RNF144B: variants seen among roughly 807,000 people sequenced by gnomAD.
RNF144B encodes ring finger protein 144B.
RNF144B carries 25 observed loss-of-function variants against 40.2 expected under a neutral mutation model. The observed-to-expected ratio is 0.62, with a 90% CI of 0.45 to 0.87. The LOEUF is 0.87. Among genes scored for constraint, RNF144B ranks in the 40% least tolerant of loss-of-function variants. The pLI is 0.00. For synonymous variants in RNF144B, 145 were observed against 136.3 expected (o/e 1.06, Z -0.44); for missense variants, 365 against 373.7 (o/e 0.98, Z 0.19).
intron 2 of RNF144B, among the ~76,000 whole-genome samples, chr6:18,401,352 C>T (rs1013143340): frequency 6.6e-6 from 1 of 152,146 alleles, no homozygotes; most frequent in African/African-American, 2.4e-5. Context: ...GGAGTTAGTA[C>T]AGTTAGCTTT....
At position 18,414,984 on chromosome 6, in the gene RNF144B, C is replaced by T. The variant is rs1446900594; in HGVS notation, c.166-12597C>T. 6.6e-6 allele frequency among the ~76,000 whole-genome samples: 1 copy of T among 152,160 alleles called. No individual in the cohort carries two copies. Among genetic ancestry groups the T allele is most frequent in the Non-Finnish European group, 1.5e-5 (1 of 68,018 alleles). On this transcript the variant is annotated intron_variant, in intron 2 of 7. Transcript: ENST00000259939. This position sits in a 1 kb window ranked among gnomAD's most constrained non-coding sequence, Gnocchi z 4.9. ...CCAAAGATACCCAAATTCATGAATG[C>T]TCAAGTCCCTTATATAGAATGGTGT... is the stretch of plus-strand genomic sequence containing the variant.
rs1214590401 is a variant in RNF144B, at chr6:18,395,573, A to G, written c.-36-3926A>G. The stretch of plus-strand genomic sequence containing the variant: ...CAATGGTGAAAGGATTTCTTGTTTG[A>G]TATTCTTTTTTTTTTTTAAATGAAG... On this transcript the variant is annotated intron_variant, in intron 1 of 7. Coordinates refer to ENST00000259939, the MANE Select transcript of RNF144B (RefSeq NM_182757.4). This position sits in a 1 kb window ranked among gnomAD's most constrained non-coding sequence, Gnocchi z 4.5. 7.4e-6 allele frequency among the ~76,000 whole-genome samples: 1 copy of G among 135,484 alleles called. No individual in the cohort carries two copies. Among genetic ancestry groups the G allele is most frequent in the Admixed American group, 7.9e-5 (1 of 12,636 alleles). The allele number at this position is 135,484 out of a possible 152,430, so 88.9% of individuals were successfully genotyped here. A position where few individuals can be genotyped will look rare whatever the true frequency, so the allele number is the denominator to read the frequency against.
At chr6:18,445,489 A>T (rs915992565) in intron 4 of RNF144B, among the ~76,000 whole-genome samples, 2 of 152,220 alleles carry the variant, frequency 1.3e-5, no homozygotes, top group Non-Finnish European at 2.9e-5. Context: ...CATAATTTAC[A>T]TGAACATGCA....
At position 18,412,225 on chromosome 6, in the gene RNF144B, A is replaced by T. The variant is rs1795062154; in HGVS notation, c.165+12526A>T. 6.6e-6 allele frequency among the ~76,000 whole-genome samples: 1 copy of T among 152,174 alleles called. No homozygotes were observed. The highest frequency in any genetic ancestry group is 2.4e-5 in the African/African-American group (1 of 41,438). On this transcript the variant is annotated intron_variant, in intron 2 of 7. Transcript: ENST00000259939. This position sits in a 1 kb window ranked among gnomAD's most constrained non-coding sequence, Gnocchi z 4.2. ...TTGGCAACTCCACCAACAGAGTAGGAACAGAGGCCTCTCTTTTGACACTCC... is the reference window on the plus strand; with the variant it reads ...TTGGCAACTCCACCAACAGAGTAGGTACAGAGGCCTCTCTTTTGACACTCC...
rs1795110376 is a variant in RNF144B at position 18,414,616 on chromosome 6, A to G, written c.166-12965A>G. 6.6e-6 allele frequency among the ~76,000 whole-genome samples: 1 copy of G among 152,150 alleles called. No homozygotes were observed. Among genetic ancestry groups the G allele is most frequent in the Admixed American group, 6.5e-5 (1 of 15,272 alleles). On this transcript the variant is annotated intron_variant, in intron 2 of 7. Coordinates refer to ENST00000259939, the MANE Select transcript of RNF144B (RefSeq NM_182757.4). This position sits in a 1 kb window ranked among gnomAD's most constrained non-coding sequence, Gnocchi z 4.9. ...TAGATACGTAGTAGGTATATATATG[A>G]TTAGTTTTAATTAAGATATTATTTC... is the stretch of plus-strand genomic sequence containing the variant.
At chr6:18,433,916 CCG>C (rs1758754871) in intron 3 of RNF144B, among the ~76,000 whole-genome samples, 1 of 152,156 alleles carries the variant, frequency 6.6e-6, no homozygotes, top group Non-Finnish European at 1.5e-5. Flanking sequence ...AGACATTGAT[CCG>C]CACAGTGAGT....
At chr6:18,426,767 C>T (rs188973098) in intron 2 of RNF144B, among the ~76,000 whole-genome samples, 1 of 137,030 alleles carries the variant, frequency 7.3e-6, no homozygotes, top group South Asian at 2.2e-4. Context: ...AATGTCTTCT[C>T]TGGGTTTCAT....
chr6:18,449,697 G>GTA (rs70974745), intron 4 of RNF144B, among the ~76,000 whole-genome samples: 36,411 of 149,240 alleles, frequency 0.24, 4,445 homozygotes, highest in African/African-American at 0.31. Flanking sequence ...GTGTTTTGAA[G>GTA]TATATATATA....
intron 3 of RNF144B, among the ~76,000 whole-genome samples, chr6:18,431,533 A>G (rs552449111): frequency 2.6e-5 from 4 of 152,298 alleles, no homozygotes; most frequent in South Asian, 2.1e-4. Context: ...GTATACCACA[A>G]TGGGGTTCAT....
intron 4 of RNF144B, among the ~76,000 whole-genome samples, chr6:18,445,239 C>G (rs909916654): frequency 5.9e-5 from 9 of 152,150 alleles, no homozygotes; most frequent in Admixed American, 5.2e-4. Flanking sequence ...AAAAACCACT[C>G]CTGCTAGGAC....
rs1231939740 is a variant in RNF144B at position 18,425,474 on chromosome 6, T to G, written c.166-2107T>G. ...CCTTTTGGTGAGCCGCCTTGACTGT[T>G]CCCCTGGGTGTTCGCCTGCCCATTG... is the stretch of plus-strand genomic sequence containing the variant. On this transcript the variant is annotated intron_variant, in intron 2 of 7. Transcript: ENST00000259939. This position sits in a 1 kb window ranked among gnomAD's most constrained non-coding sequence, Gnocchi z 4.2. 6.6e-6 allele frequency among the ~76,000 whole-genome samples: 1 copy of G among 152,124 alleles called. No individual in the cohort carries two copies. Among genetic ancestry groups the G allele is most frequent in the Non-Finnish European group, 1.5e-5 (1 of 68,024 alleles).
At chr6:18,387,698 A>G (rs1582390953) in intron 1 of RNF144B, 68 bp downstream of exon 1, 1 of 1,228,280 alleles carries the variant, frequency 8.1e-7, no homozygotes, top group Non-Finnish European at 1.1e-6. Context: ...TGGACTAAGG[A>G]AAAAGGACAG....
rs1758529157 is a variant in RNF144B at position 18,425,418 on chromosome 6, T to C, written c.166-2163T>C. Among the ~76,000 whole-genome samples the C allele has an allele frequency of 6.6e-6, 1 of 152,164 alleles. No homozygotes were observed. The highest frequency in any genetic ancestry group is 6.5e-5 in the Admixed American group (1 of 15,282). On this transcript the variant is annotated intron_variant, in intron 2 of 7. Coordinates refer to ENST00000259939, the MANE Select transcript of RNF144B (RefSeq NM_182757.4). The surrounding 1 kb of genome is among the most constrained non-coding windows in gnomAD (Gnocchi z 4.2). ...GAACAGGATGGACAGGCTTTCACAC[T>C]GTTTATTCATTTGTCCCCTGGCAAA...
Position 18,416,012 on chromosome 6 carries a change from G to A in RNF144B, c.166-11569G>A, listed in dbSNP as rs1475912407. Among the ~76,000 whole-genome samples, 5 of 152,098 alleles carry A rather than the reference G, an allele frequency of 3.3e-5. No homozygotes were observed. On this transcript the variant is annotated intron_variant, in intron 2 of 7. Coordinates refer to ENST00000259939, the MANE Select transcript of RNF144B (RefSeq NM_182757.4). The surrounding 1 kb of genome is among the most constrained non-coding windows in gnomAD (Gnocchi z 5.5). Reference sequence around the variant, plus strand: ...TATGCTTATTCTCACTGCCTGTGCTGGGTCTGTGTGCTAAGGCTTTGGTGT... The same window carrying A: ...TATGCTTATTCTCACTGCCTGTGCTAGGTCTGTGTGCTAAGGCTTTGGTGT...
intron 2 of RNF144B, among the ~76,000 whole-genome samples, chr6:18,402,953 A>G (rs1282299951): frequency 3.9e-5 from 6 of 152,246 alleles, no homozygotes; most frequent in South Asian, 2.1e-4. Flanking sequence ...GACTGACGTC[A>G]TAGAACATGA....
intron 2 of RNF144B, among the ~76,000 whole-genome samples, chr6:18,424,783 T>TGAG (rs1758509458): frequency 6.6e-6 from 1 of 151,712 alleles, no homozygotes; most frequent in Non-Finnish European, 1.5e-5. Context: ...CAAATATTTC[T>TGAG]AAGAGCCTTG....
rs904424237 is a variant in RNF144B at position 18,394,789 on chromosome 6, T to C, written c.-36-4710T>C. Among the ~76,000 whole-genome samples the C allele has an allele frequency of 7.9e-5, 12 of 152,346 alleles. No individual in the cohort carries two copies. The East Asian group carries it at 2.3e-3, about 29-fold the overall frequency. On this transcript the variant is annotated intron_variant, in intron 1 of 7. Coordinates refer to ENST00000259939, the MANE Select transcript of RNF144B (RefSeq NM_182757.4). Reference sequence around the variant, plus strand: ...GAGGGGAAAGGCGACTTTCCATTCTTTCCTATCAGATAGTACTTGCTTCTC... The same window carrying C: ...GAGGGGAAAGGCGACTTTCCATTCTCTCCTATCAGATAGTACTTGCTTCTC...
In RNF144B at chr6:18,460,991, G is replaced by A. The variant is rs1256518659; in HGVS notation, c.681+1240G>A. 6.6e-6 allele frequency among the ~76,000 whole-genome samples: 1 copy of A among 152,110 alleles called. No homozygotes were observed. Among genetic ancestry groups the A allele is most frequent in the Non-Finnish European group, 1.5e-5 (1 of 68,020 alleles). On this transcript the variant is annotated intron_variant, in intron 6 of 7. Coordinates refer to ENST00000259939, the MANE Select transcript of RNF144B (RefSeq NM_182757.4). The surrounding 1 kb of genome is among the most constrained non-coding windows in gnomAD (Gnocchi z 4.4). ...CTTTTCTCAGCTCTTTGTTTTGATT[G>A]CTTGATTTGCTTTAATTCAACAAGC...
chr6:18,393,036 G>A (rs1438913593), intron 1 of RNF144B, among the ~76,000 whole-genome samples: 1 of 151,418 alleles, frequency 6.6e-6, no homozygotes, highest in Admixed American at 6.6e-5. Flanking sequence ...CAGGAGAATG[G>A]TGTGAACCCA....
Sources: allele counts gnomAD v4.1 joint callset (sites outside exome capture counted in the v4.1 genomes callset), GRCh38; gene constraint gnomAD v4.1.1; non-coding constraint Gnocchi (gnomAD v3.1); transcripts MANE v1.5; gene names NCBI Gene and HGNC (gene_info 2026-07-23, HGNC 2026-07-21).